The following ST13 variants were observed in gnomAD, a reference collection of about 807,000 sequenced individuals.
ST13 encodes the protein hsc70-interacting protein.
A neutral mutation model predicts 56.7 loss-of-function variants in ST13; 23 were observed. That is an observed-to-expected ratio of 0.41 (90% CI 0.29 to 0.57). The LOEUF is 0.57. Ranked by LOEUF, ST13 falls within the 20% of genes least tolerant of loss-of-function variation. ST13 has a pLI of 0.36. For synonymous variants in ST13, 132 were observed against 142.4 expected (o/e 0.93, Z 0.52); for missense variants, 369 against 459.9 (o/e 0.80, Z 1.81).
chr22:40,854,433 T>A (rs2057878071), intron 1 of ST13: 1 of 152,188 alleles, frequency 6.6e-6, no homozygotes, highest in Non-Finnish European at 1.5e-5. Context: ...AGAATGTAAG[T>A]GGAATCAGAA....
chr22:40,836,308 G>T (rs868156037), intron 5 of ST13, among the ~76,000 whole-genome samples: 13 of 152,294 alleles, frequency 8.5e-5, no homozygotes, highest in Non-Finnish European at 1.5e-4. Context: ...AAAATTAGCT[G>T]GGCGTGGGGG....
intron 5 of ST13, among the ~76,000 whole-genome samples, chr22:40,839,594 G>A (rs2057793300): frequency 1.3e-5 from 2 of 150,794 alleles, no homozygotes; most frequent in Admixed American, 6.6e-5. Flanking sequence ...GTGAAACCCC[G>A]TCTCTACTAA....
chr22:40,830,760 G>C, intron 9 of ST13, 80 bp downstream of exon 9: 1 of 797,536 alleles, frequency 1.3e-6, no homozygotes, highest in Non-Finnish European at 2.0e-6. Flanking sequence ...AAAAGAGCCA[G>C]GAATTAAAAT....
intron 3 of ST13, among the ~76,000 whole-genome samples, chr22:40,846,119 A>G (rs2057829927): frequency 6.6e-6 from 1 of 152,106 alleles, no homozygotes; most frequent in Non-Finnish European, 1.5e-5. Flanking sequence ...TATTTTTAGT[A>G]GAGATGGGGT....
intron 8 of ST13, chr22:40,832,354 G>GT: frequency 1.8e-6 from 1 of 547,872 alleles, no homozygotes; most frequent in Non-Finnish European, 3.3e-6. Flanking sequence ...TCCAAACAAA[G>GT]TAACAGAGTT....
intron 7 of ST13, among the ~76,000 whole-genome samples, 172 bp from the exon 8 acceptor site, chr22:40,832,843 T>TA (rs1254346731): frequency 3.3e-5 from 5 of 152,238 alleles, no homozygotes; most frequent in Non-Finnish European, 7.3e-5. Flanking sequence ...GTTAACTCTA[T>TA]AAAAACCTGA....
At chr22:40,841,267 G>C (rs1479507298) in intron 4 of ST13, among the ~76,000 whole-genome samples, 1 of 151,732 alleles carries the variant, frequency 6.6e-6, no homozygotes, top group Admixed American at 6.6e-5. Context: ...CTACTCAGGA[G>C]GCTGAGTTAG....
chr22:40,854,846 A>G (rs988698793), intron 1 of ST13, among the ~76,000 whole-genome samples: 3 of 152,234 alleles, frequency 2.0e-5, no homozygotes, highest in African/African-American at 7.2e-5. Context: ...TGTTCAATAG[A>G]GAAAACGACT....
chr22:40,845,302 C>T (rs1002428942), intron 3 of ST13, among the ~76,000 whole-genome samples: 4 of 152,208 alleles, frequency 2.6e-5, no homozygotes, highest in South Asian at 2.1e-4. Context: ...GATACTTCAA[C>T]GTAAATCAAA....
intron 7 of ST13, 27 bp from the exon 8 acceptor site, chr22:40,832,698 G>C: frequency 6.5e-7 from 1 of 1,536,982 alleles, no homozygotes; most frequent in Non-Finnish European, 8.9e-7. Context: ...CTCATTTTAG[G>C]AGCCTTTTAT....
chr22:40,854,021 TTAAAC>T (rs1569006973), intron 1 of ST13, among the ~76,000 whole-genome samples: 1 of 152,236 alleles, frequency 6.6e-6, no homozygotes, highest in Non-Finnish European at 1.5e-5. Flanking sequence ...ATTTAAAAGG[TTAAAC>T]TAATAAATCC....
intron 8 of ST13, chr22:40,832,307 C>G (rs987285103): frequency 5.0e-5 from 25 of 500,402 alleles, no homozygotes; most frequent in Non-Finnish European, 7.6e-5. Context: ...CTGATACCCC[C>G]TTTTCTAATT....
At chr22:40,833,622 T>C (rs1010420272) in intron 7 of ST13, among the ~76,000 whole-genome samples, 1 of 150,346 alleles carries the variant, frequency 6.7e-6, no homozygotes, top group Non-Finnish European at 1.5e-5. Flanking sequence ...ATGCCTATTA[T>C]CCTAGCACTT....
chr22:40,840,310 G>C (rs991997535), intron 5 of ST13, among the ~76,000 whole-genome samples: 1 of 150,688 alleles, frequency 6.6e-6, no homozygotes, highest in Non-Finnish European at 1.5e-5. Context: ...TATGTAAAAA[G>C]TTAAGGGTCA....
intron 4 of ST13, among the ~76,000 whole-genome samples, chr22:40,843,034 C>T (rs1272118239): frequency 1.3e-5 from 2 of 152,134 alleles, no homozygotes; most frequent in African/African-American, 4.8e-5. Flanking sequence ...GTGGGAGGAT[C>T]ACTTGAGCCC....
At chr22:40,829,565 A>T in intron 10 of ST13, 61 bp downstream of exon 10, 1 of 754,348 alleles carries the variant, frequency 1.3e-6, no homozygotes, top group Non-Finnish European at 1.9e-6. Flanking sequence ...AATATTAAGT[A>T]TTATATTAAA....
At chr22:40,842,542 A>G (rs2057809512) in intron 4 of ST13, among the ~76,000 whole-genome samples, 1 of 152,250 alleles carries the variant, frequency 6.6e-6, no homozygotes, top group Non-Finnish European at 1.5e-5. Context: ...GACAAAGCAT[A>G]GACTGCTTTT....
chr22:40,855,392 T>A (rs1422225588), intron 1 of ST13, among the ~76,000 whole-genome samples: 1 of 152,178 alleles, frequency 6.6e-6, no homozygotes, highest in Non-Finnish European at 1.5e-5. Flanking sequence ...GAGGCTGCAG[T>A]GATCCCGCCA....
Position 40,856,574 on chromosome 22 carries a change from A to G in ST13, c.-34T>C, listed in dbSNP as rs990723884. The G allele has an allele frequency of 6.3e-7, 1 of 1,577,104 alleles. No individual in the cohort carries two copies. The highest frequency in any genetic ancestry group is 8.7e-7 in the Non-Finnish European group (1 of 1,148,956). ...GGTGGTGGGCGAAACTGGGGGGGCT[A>G]CGGCCCGGTTCCAGGCCCAGGCGCT... On this transcript the variant is annotated 5_prime_UTR_variant, in exon 1 of 12. Coordinates refer to ENST00000216218, the MANE Select transcript of ST13 (RefSeq NM_003932.5).
Sources: allele counts gnomAD v4.1 joint callset (sites outside exome capture counted in the v4.1 genomes callset), GRCh38; gene constraint gnomAD v4.1.1; transcripts MANE v1.5; gene names NCBI Gene and HGNC (gene_info 2026-07-23, HGNC 2026-07-21).